Variants in FGF14 observed in about 807,000 individuals in gnomAD.
FGF14 encodes the protein fibroblast growth factor 14, also known as fibroblast growth factor homologous factor 4.
A neutral mutation model predicts 25.5 loss-of-function variants in FGF14; 5 were observed. That is an observed-to-expected ratio of 0.20 (90% confidence interval 0.10 to 0.41). The LOEUF (loss-of-function observed/expected upper bound fraction) is 0.41. FGF14 is among the 10% of genes least tolerant of loss of function. FGF14 has a pLI of 1.00. For missense variants in FGF14, 222 were observed against 320.1 expected (o/e 0.69, Z 2.34); for synonymous variants, 138 against 118.3 (o/e 1.17, Z -1.08).
chr13:102,039,288 A>G (rs533707485), intron 1 of FGF14, among the ~76,000 whole-genome samples: 1 of 152,160 alleles, frequency 6.6e-6, no homozygotes, highest in African/African-American at 2.4e-5. Flanking sequence ...ATGGAAAATA[A>G]TTGAGTTTGT....
At chr13:102,004,725 T>C (rs28670593) in intron 1 of FGF14, among the ~76,000 whole-genome samples, 12 of 152,128 alleles carry the variant, frequency 7.9e-5, no homozygotes, top group Admixed American at 2.0e-4. Context: ...CCACAGGTCA[T>C]GGGAGGCATC....
At chr13:102,330,644 T>C (rs1412285721) in intron 1 of FGF14, among the ~76,000 whole-genome samples, 1 of 152,176 alleles carries the variant, frequency 6.6e-6, no homozygotes, top group Non-Finnish European at 1.5e-5. Flanking sequence ...CCATTTCAAG[T>C]ATACCTCTGT....
At chr13:101,807,436 T>C (rs1442925784) in intron 3 of FGF14, among the ~76,000 whole-genome samples, 2 of 152,076 alleles carry the variant, frequency 1.3e-5, no homozygotes, top group Non-Finnish European at 2.9e-5. Context: ...CCTTAAATAT[T>C]CTCTCTGAAA....
At chr13:102,221,032 T>C (rs1466691827) in intron 1 of FGF14, among the ~76,000 whole-genome samples, 1 of 152,240 alleles carries the variant, frequency 6.6e-6, no homozygotes, top group Non-Finnish European at 1.5e-5. Context: ...TATGGTAGCA[T>C]TAACATTCTT....
At chr13:102,128,748 T>G (rs1262810583) in intron 1 of FGF14, among the ~76,000 whole-genome samples, 1 of 152,184 alleles carries the variant, frequency 6.6e-6, no homozygotes, top group Non-Finnish European at 1.5e-5. Flanking sequence ...GCATTCTCTT[T>G]GACATAGGCA....
intron 1 of FGF14, chr13:102,045,830 G>A (rs1161211608): frequency 8.5e-5 from 13 of 152,206 alleles, no homozygotes. Flanking sequence ...TAGTCTGTCT[G>A]GTAGCTACTT....
chr13:102,234,215 T>C (rs8000451), intron 1 of FGF14, among the ~76,000 whole-genome samples: 53,912 of 98,270 alleles, frequency 0.55, 14,728 homozygotes, highest in African/African-American at 0.74. Context: ...ACCATGGAAA[T>C]ATACGCTTAA....
In FGF14 at chr13:101,741,374, G is replaced by C. The variant is rs781034779; in HGVS notation, c.409-14564C>G. On this transcript the variant is annotated intron_variant, in intron 3 of 4. Transcript: ENST00000376143. ...CTGCAAAAGGTTTCTCTCATGAGCA[G>C]TACTATAGTAGGAGACTATCAGCTT... 2.6e-5 allele frequency among the ~76,000 whole-genome samples: 4 copies of C among 152,096 alleles called. No homozygotes were observed. The East Asian group carries it at 7.7e-4, about 29-fold the overall frequency.
intron 1 of FGF14, among the ~76,000 whole-genome samples, chr13:102,309,595 T>C (rs1331008366): frequency 6.6e-6 from 1 of 152,194 alleles, no homozygotes; most frequent in East Asian, 1.9e-4. Flanking sequence ...TAAAAAGAAC[T>C]GAATCATGAA....
intron 1 of FGF14, among the ~76,000 whole-genome samples, chr13:102,320,009 T>C (rs2056183421): frequency 6.6e-6 from 1 of 152,156 alleles, no homozygotes; most frequent in African/African-American, 2.4e-5. Flanking sequence ...GTACCTACCA[T>C]AGTATTCCTG....
At chr13:101,752,454 C>T (rs991167317) in intron 3 of FGF14, among the ~76,000 whole-genome samples, 1 of 152,082 alleles carries the variant, frequency 6.6e-6, no homozygotes, top group African/African-American at 2.4e-5. Flanking sequence ...ACAAACAAGT[C>T]TTAATATTGT....
intron 3 of FGF14, among the ~76,000 whole-genome samples, chr13:101,781,588 C>T (rs2039496115): frequency 6.6e-6 from 1 of 152,090 alleles, no homozygotes; most frequent in African/African-American, 2.4e-5. Flanking sequence ...TATGGAGTAT[C>T]TTTCATTCTC....
chr13:102,109,048 A>G (rs548245109), intron 1 of FGF14, among the ~76,000 whole-genome samples: 164 of 152,334 alleles, frequency 1.1e-3, no homozygotes, highest in African/African-American at 3.6e-3. Context: ...ACATAAACAT[A>G]TAAGTAAAGT....
intron 3 of FGF14, among the ~76,000 whole-genome samples, chr13:101,780,290 C>A (rs1169238041): frequency 6.6e-6 from 1 of 152,166 alleles, no homozygotes; most frequent in African/African-American, 2.4e-5. Context: ...ACCCTTGCTT[C>A]CTTTGCTACC....
At chr13:101,888,475 T>C (rs1345565697) in intron 1 of FGF14, among the ~76,000 whole-genome samples, 1 of 152,198 alleles carries the variant, frequency 6.6e-6, no homozygotes, top group African/African-American at 2.4e-5. Context: ...ATTTAAAGCT[T>C]GTGCTCAAGA....
chr13:101,961,779 T>A (rs2036874186), intron 1 of FGF14, among the ~76,000 whole-genome samples: 1 of 152,192 alleles, frequency 6.6e-6, no homozygotes, highest in African/African-American at 2.4e-5. Flanking sequence ...TGTGTTTGCT[T>A]CCCCTTCTGG....
At chr13:102,068,709 G>A (rs1025835684) in intron 1 of FGF14, among the ~76,000 whole-genome samples, 9 of 152,182 alleles carry the variant, frequency 5.9e-5, no homozygotes, top group African/African-American at 1.4e-4. Context: ...CTGCCTTCCC[G>A]CGGGGCAGGG....
chr13:102,320,012 T>G (rs1013070098), intron 1 of FGF14, among the ~76,000 whole-genome samples: 4 of 152,154 alleles, frequency 2.6e-5, no homozygotes, highest in African/African-American at 7.2e-5. Flanking sequence ...CCTACCATAG[T>G]ATTCCTGTGG....
At chr13:101,985,940 C>G (rs1269780843) in intron 1 of FGF14, among the ~76,000 whole-genome samples, 2 of 152,212 alleles carry the variant, frequency 1.3e-5, no homozygotes, top group South Asian at 2.1e-4. Flanking sequence ...CAGAAAACAT[C>G]CAACTGCTAC....
Sources: gnomAD v4.1 joint callset for allele counts (sites outside exome capture counted in the v4.1 genomes callset) on GRCh38, gnomAD v4.1.1 for gene constraint, MANE v1.5 for transcripts, NCBI Gene and HGNC (gene_info 2026-07-23, HGNC 2026-07-21) for gene names.